The following LHCGR variants were observed in gnomAD, a reference collection of about 807,000 sequenced individuals.
The protein encoded by LHCGR is lutropin-choriogonadotropic hormone receptor.
Under a neutral mutation model 60.7 loss-of-function variants are expected in LHCGR, and 55 were observed. The observed-to-expected ratio is 0.91, with a 90% CI of 0.73 to 1.13. The LOEUF is 1.13. LHCGR is among the 50% of genes most tolerant of loss of function. The probability of loss-of-function intolerance (pLI) is 0.00; values close to 1 mark genes in which losing one functional copy is unlikely to be tolerated. For synonymous variants in LHCGR, 337 were observed against 316.5 expected (o/e 1.06, Z -0.69); for missense variants, 862 against 836.0 (o/e 1.03, Z -0.38).
At chr2:48,693,010 G>C (rs1277708836) in intron 10 of LHCGR, among the ~76,000 whole-genome samples, 1 of 152,068 alleles carries the variant, frequency 6.6e-6, no homozygotes, top group Non-Finnish European at 1.5e-5. Context: ...TTATATTGAG[G>C]ATGGTTTAAA....
At chr2:48,710,552 A>G (rs1667929635) in intron 7 of LHCGR, among the ~76,000 whole-genome samples, 1 of 152,228 alleles carries the variant, frequency 6.6e-6, no homozygotes, top group Non-Finnish European at 1.5e-5. Context: ...CCTGGGGGTC[A>G]CTTTTGAGAA....
chr2:48,710,554 T>G (rs960399444), intron 7 of LHCGR, among the ~76,000 whole-genome samples: 2 of 152,232 alleles, frequency 1.3e-5, no homozygotes, highest in African/African-American at 4.8e-5. Flanking sequence ...TGGGGGTCAC[T>G]TTTGAGAATT....
intron 1 of LHCGR, among the ~76,000 whole-genome samples, chr2:48,745,985 A>T (rs1377436437): frequency 1.3e-5 from 2 of 152,154 alleles, no homozygotes; most frequent in Non-Finnish European, 2.9e-5. Context: ...GGTAGTTAAG[A>T]GCGCACACTC....
intron 1 of LHCGR, among the ~76,000 whole-genome samples, chr2:48,755,078 C>G (rs1178393343): frequency 3.9e-5 from 6 of 152,096 alleles, no homozygotes; most frequent in Non-Finnish European, 8.8e-5. Flanking sequence ...CACTCCATTC[C>G]TAGAGGACCA....
At chr2:48,705,433 C>A (rs918955758) in intron 8 of LHCGR, among the ~76,000 whole-genome samples, 1 of 152,104 alleles carries the variant, frequency 6.6e-6, no homozygotes. Flanking sequence ...GAGTTCAAGT[C>A]CTGGATATCC....
chr2:48,735,747 A>G (rs1430997463), intron 1 of LHCGR, among the ~76,000 whole-genome samples: 1 of 152,166 alleles, frequency 6.6e-6, no homozygotes, highest in African/African-American at 2.4e-5. Context: ...AATTTCGCCA[A>G]CTGCTAGGAA....
chr2:48,708,439 G>C (rs147585004), intron 8 of LHCGR, among the ~76,000 whole-genome samples: 69 of 152,264 alleles, frequency 4.5e-4, no homozygotes, highest in African/African-American at 1.6e-3. Context: ...ACCTTATTTA[G>C]AGATAGGGTC....
intron 1 of LHCGR, among the ~76,000 whole-genome samples, chr2:48,734,838 G>C (rs893395322): frequency 4.6e-5 from 7 of 152,212 alleles, no homozygotes; most frequent in African/African-American, 1.7e-4. Flanking sequence ...CTCAGCAAAA[G>C]AGGGTGATAC....
At chr2:48,713,860 A>T in intron 7 of LHCGR, 126 bp downstream of exon 7, 1 of 786,946 alleles carries the variant, frequency 1.3e-6, no homozygotes, top group Non-Finnish European at 2.2e-6. Context: ...TGCATGAAAC[A>T]CTGAGGGCTA....
At chr2:48,755,011 G>C (rs192397569) in intron 1 of LHCGR, among the ~76,000 whole-genome samples, 3 of 152,072 alleles carry the variant, frequency 2.0e-5, no homozygotes, top group Non-Finnish European at 4.4e-5. Flanking sequence ...TAAGATGCCC[G>C]TGTGACTGCC....
At position 48,688,090 on chromosome 2, in the gene LHCGR, C is replaced by A. The variant is rs1440621062; in HGVS notation, c.1707G>T (p.Lys569Asn). The A allele has an allele frequency of 6.2e-7, 1 of 1,614,148 alleles. No homozygotes were observed. ...MATNKDTKIA[K>N]KMAILIFTDF... ...CGGTGAAGATGAGGATTGCCATTTT[C>A]TTAGCAATCTTTGTATCTTTATTGG... Residue 569 changes from lysine to asparagine, a missense_variant, in exon 11 of 11, where the codon AAG becomes AAT. Transcript: ENST00000294954. This position sits in a 1 kb window ranked among gnomAD's most constrained non-coding sequence, Gnocchi z 5.2.
chr2:48,706,622 C>T (rs183162615), intron 8 of LHCGR, among the ~76,000 whole-genome samples: 292 of 152,152 alleles, frequency 1.9e-3, no homozygotes, highest in African/African-American at 6.7e-3. Context: ...TGTCTTCTTG[C>T]TTTATTTCAT....
intron 8 of LHCGR, 55 bp downstream of exon 8, chr2:48,708,893 G>T: frequency 7.6e-7 from 1 of 1,316,642 alleles, no homozygotes; most frequent in Non-Finnish European, 1.1e-6. Flanking sequence ...GACACCCTAA[G>T]CAGTCCTGTT....
At chr2:48,706,486 T>C (rs1667682466) in intron 8 of LHCGR, among the ~76,000 whole-genome samples, 1 of 152,238 alleles carries the variant, frequency 6.6e-6, no homozygotes, top group Admixed American at 6.5e-5. Context: ...AGGAGTGTTT[T>C]CTAACTTGGT....
chr2:48,748,675 T>A (rs1283151107), intron 1 of LHCGR, among the ~76,000 whole-genome samples: 4 of 152,220 alleles, frequency 2.6e-5, no homozygotes, highest in African/African-American at 9.7e-5. Context: ...TTTAGTCTTC[T>A]CTGCATCATC....
At position 48,687,340 on chromosome 2, in the gene LHCGR, T is replaced by C; in HGVS notation, c.*357A>G. 4.0e-6 allele frequency: 1 copy of C among 247,338 alleles called. No individual in the cohort carries two copies. The highest frequency in any genetic ancestry group is 7.9e-6 in the Non-Finnish European group (1 of 126,952). The allele number at this position is 247,338 out of a possible 1,614,324, so 15.3% of individuals were successfully genotyped here. On this transcript the variant is annotated 3_prime_UTR_variant, in exon 11 of 11. Transcript: ENST00000294954. ...CCAGTTATTTTAAATTTCTGATCTGTTATGAACTAATATTTTTATAGAATG... is the reference window on the plus strand; with the variant it reads ...CCAGTTATTTTAAATTTCTGATCTGCTATGAACTAATATTTTTATAGAATG...
intron 8 of LHCGR, 115 bp from the exon 9 acceptor site, chr2:48,698,915 C>G: frequency 1.3e-6 from 1 of 799,846 alleles, no homozygotes; most frequent in East Asian, 3.0e-5. Context: ...GACCTCGGCT[C>G]ACTGCAAGCT....
intron 7 of LHCGR, among the ~76,000 whole-genome samples, chr2:48,713,649 A>C (rs114828511): frequency 2.0e-4 from 30 of 152,280 alleles, no homozygotes; most frequent in African/African-American, 6.7e-4. Flanking sequence ...CCAGGAGAAG[A>C]ATTTCTTTCT....
intron 8 of LHCGR, among the ~76,000 whole-genome samples, chr2:48,703,301 G>A (rs189829492): frequency 6.6e-6 from 1 of 152,080 alleles, no homozygotes; most frequent in Non-Finnish European, 1.5e-5. Flanking sequence ...GTCAATTTTG[G>A]CTTTTGTTGC....
Sources: gnomAD v4.1 joint callset for allele counts (sites outside exome capture counted in the v4.1 genomes callset) on GRCh38, gnomAD v4.1.1 for gene constraint, Gnocchi (gnomAD v3.1) non-coding constraint, MANE v1.5 for transcripts, NCBI Gene and HGNC (gene_info 2026-07-23, HGNC 2026-07-21) for gene names.